Variants in KALRN observed in about 807,000 individuals in gnomAD.
KALRN encodes kalirin.
Under a neutral mutation model 353.7 loss-of-function variants are expected in KALRN, and 70 were observed. That is an observed-to-expected ratio of 0.20 (90% CI 0.16 to 0.24). The LOEUF (loss-of-function observed/expected upper bound fraction) is 0.24, where lower values mean the gene tolerates loss of function less well. Among genes scored for constraint, KALRN ranks in the 10% least tolerant of loss-of-function variants. The pLI, the probability that KALRN is intolerant of heterozygous loss-of-function variation, is 1.00. For missense variants in KALRN, 2,791 were observed against 3,756.7 expected (o/e 0.74, Z 6.72); for synonymous variants, 1,391 against 1,434.8 (o/e 0.97, Z 0.69).
At chr3:124,495,705 G>A (rs911849681) in intron 32 of KALRN, among the ~76,000 whole-genome samples, 2 of 141,938 alleles carry the variant, frequency 1.4e-5, no homozygotes, top group Non-Finnish European at 3.0e-5. Context: ...ATTCCAGCCT[G>A]GGTGACAGAA....
chr3:124,577,588 GA>G lies in KALRN; in HGVS notation c.5182+14507del, dbSNP rs575303584. 9.9e-5 allele frequency among the ~76,000 whole-genome samples: 15 copies of G among 152,014 alleles called. No individual in the cohort carries two copies. In the South Asian group the frequency reaches 3.1e-3, roughly 32 times the overall value. The stretch of plus-strand genomic sequence containing the variant: ...ACCCACACAGATATTATACACTTTT[GA>G]AAAAAAACATATTTGGGCTGGACAC... On this transcript the variant is annotated intron_variant, in intron 34 of 59. Transcript: ENST00000682506.
Position 124,499,341 on chromosome 3 carries a change from G to A in KALRN, c.4935+2928G>A, listed in dbSNP as rs765863495. Among the ~76,000 whole-genome samples, 8 of 152,100 alleles carry A rather than the reference G, an allele frequency of 5.3e-5. No individual in the cohort carries two copies. In the South Asian group the frequency reaches 8.3e-4, roughly 16 times the overall value. ...ACATTGCATAGGTTACTGCACCTTC[G>A]TTTTTCTGTAAAGCAAAGATAATAA... On this transcript the variant is annotated intron_variant, in intron 33 of 59. Transcript: ENST00000682506.
intron 33 of KALRN, chr3:124,504,758 C>T (rs983742266): frequency 4.6e-6 from 2 of 435,552 alleles, no homozygotes; most frequent in African/African-American, 4.0e-5. Flanking sequence ...TGGGATGTGG[C>T]AAGGCAGATC....
At chr3:124,680,374 A>G (rs1266811704) in intron 51 of KALRN, among the ~76,000 whole-genome samples, 8 of 152,244 alleles carry the variant, frequency 5.3e-5, no homozygotes, top group Non-Finnish European at 1.2e-4. Context: ...AGTAACAACC[A>G]TGATAAATTT....
intron 33 of KALRN, among the ~76,000 whole-genome samples, chr3:124,501,200 C>T (rs2064484634): frequency 6.6e-6 from 1 of 152,164 alleles, no homozygotes; most frequent in Admixed American, 6.5e-5. Context: ...GTGAAATTGA[C>T]TTGCTGGTAC....
intron 1 of KALRN, among the ~76,000 whole-genome samples, chr3:124,075,430 G>A (rs529568817): frequency 5.9e-5 from 9 of 152,216 alleles, no homozygotes; most frequent in Non-Finnish European, 1.2e-4. Context: ...TGTACTAAGA[G>A]TATCATCAAC....
At chr3:124,540,123 G>A (rs1412918282) in intron 33 of KALRN, among the ~76,000 whole-genome samples, 11 of 152,000 alleles carry the variant, frequency 7.2e-5, no homozygotes, top group Non-Finnish European at 2.9e-5. Context: ...GTTTTGCCAT[G>A]TTGCCCAGGC....
At chr3:124,622,566 G>T (rs582766) in intron 34 of KALRN, among the ~76,000 whole-genome samples, 1 of 151,926 alleles carries the variant, frequency 6.6e-6, no homozygotes, top group South Asian at 2.1e-4. Flanking sequence ...TGTGATGCCC[G>T]CAATCCATGG....
chr3:124,165,464 A>C (rs2070687154), intron 1 of KALRN, among the ~76,000 whole-genome samples: 1 of 152,220 alleles, frequency 6.6e-6, no homozygotes, highest in African/African-American at 2.4e-5. Context: ...ACCAAGGCTG[A>C]TGTATGCATG....
At position 124,510,621 on chromosome 3, in the gene KALRN, G is replaced by A. The variant is rs545677763; in HGVS notation, c.4935+14208G>A. ...CTTTCATTCTCTAGCCTCCAAAACAGTCTATTGTTAGTCCATCCACAAGTT... is the reference window on the plus strand; with the variant it reads ...CTTTCATTCTCTAGCCTCCAAAACAATCTATTGTTAGTCCATCCACAAGTT... On this transcript the variant is annotated intron_variant, in intron 33 of 59. Transcript: ENST00000682506. 2.0e-5 allele frequency among the ~76,000 whole-genome samples: 3 copies of A among 152,120 alleles called. No homozygotes were observed. The East Asian group carries it at 5.8e-4, about 29-fold the overall frequency.
At chr3:124,063,880 G>A (rs773923232) in intron 1 of KALRN, among the ~76,000 whole-genome samples, 21 of 152,138 alleles carry the variant, frequency 1.4e-4, no homozygotes, top group African/African-American at 2.9e-4. Context: ...TTTAGGAGAC[G>A]TGGTTCTGAA....
intron 1 of KALRN, among the ~76,000 whole-genome samples, chr3:124,041,090 T>C (rs1314054784): frequency 6.6e-6 from 1 of 151,610 alleles, no homozygotes; most frequent in African/African-American, 2.4e-5. Context: ...AAAAAAAGAA[T>C]GTAGAACAGG....
At chr3:124,444,131 G>A (rs1187704675) in intron 19 of KALRN, among the ~76,000 whole-genome samples, 1 of 152,196 alleles carries the variant, frequency 6.6e-6, no homozygotes, top group African/African-American at 2.4e-5. Context: ...ATTGGCTGAG[G>A]AGCAGCATCT....
rs193186272 is a variant in KALRN at position 124,074,476 on chromosome 3, G to C, written c.73+40663G>C. ...ATCTGCATTTGTTGCTGTTTTCCAG[G>C]CATACGTAAGTTTTGGAGCCCACAA... On this transcript the variant is annotated intron_variant, in intron 1 of 59. Coordinates refer to ENST00000682506, the MANE Select transcript of KALRN (RefSeq NM_001388419.1). Among the ~76,000 whole-genome samples the C allele has an allele frequency of 1.4e-3, 218 of 152,254 alleles. 2 individuals carry two copies. Among genetic ancestry groups the C allele is most frequent in the African/African-American group, 5.1e-3 (212 of 41,556 alleles).
intron 3 of KALRN, among the ~76,000 whole-genome samples, chr3:124,261,097 C>T (rs975771806): frequency 4.7e-5 from 7 of 150,206 alleles, no homozygotes; most frequent in African/African-American, 1.7e-4. Flanking sequence ...ACCACGCCGG[C>T]CAGGCTGGTC....
chr3:124,455,319 A>G lies in KALRN; in HGVS notation c.3695A>G (p.Tyr1232Cys). The change falls in exon 22 of 60, where the codon TAC becomes TGC. Residue 1232 changes from tyrosine to cysteine, a missense_variant. Coordinates refer to ENST00000682506, the MANE Select transcript of KALRN (RefSeq NM_001388419.1). Reference protein sequence around the residue: ...YRDFSLRMGKYRYSLEKALGV... With the variant: ...YRDFSLRMGKCRYSLEKALGV... ...GATTTCTCCCTGAGGATGGGAAAGT[A>G]CCGATACTCACTGGAGAAAGCCCTA... 1 of 1,614,168 alleles carries G rather than the reference A, an allele frequency of 6.2e-7. No homozygotes were observed. Among genetic ancestry groups the G allele is most frequent in the Non-Finnish European group, 8.5e-7 (1 of 1,180,010 alleles).
chr3:124,138,225 A>G (rs932505088), intron 1 of KALRN, among the ~76,000 whole-genome samples: 1 of 152,162 alleles, frequency 6.6e-6, no homozygotes, highest in African/African-American at 2.4e-5. Flanking sequence ...CAGAACTGCA[A>G]AATCCTCTCT....
chr3:124,651,286 G>A (rs779009168), intron 38 of KALRN, among the ~76,000 whole-genome samples: 25 of 152,302 alleles, frequency 1.6e-4, no homozygotes, highest in Non-Finnish European at 3.1e-4. Flanking sequence ...GTCTCTGACC[G>A]TGGCAGATAG....
chr3:124,616,232 C>T (rs2078577138), intron 34 of KALRN, among the ~76,000 whole-genome samples: 1 of 152,178 alleles, frequency 6.6e-6, no homozygotes, highest in Non-Finnish European at 1.5e-5. Context: ...TCCAGAGCCA[C>T]CCTGCTTAAC....
Sources: allele counts gnomAD v4.1 joint callset (sites outside exome capture counted in the v4.1 genomes callset), GRCh38; gene constraint gnomAD v4.1.1; transcripts MANE v1.5; gene names NCBI Gene and HGNC (gene_info 2026-07-23, HGNC 2026-07-21).